The following STPG2 variants were observed in gnomAD, a reference collection of about 807,000 sequenced individuals.
The protein encoded by STPG2 is sperm-tail PG-rich repeat-containing protein 2.
A neutral mutation model predicts 54.2 loss-of-function variants in STPG2; 56 were observed. The observed-to-expected ratio is 1.03, with a 90% confidence interval of 0.83 to 1.29. The LOEUF (loss-of-function observed/expected upper bound fraction) is 1.29. STPG2 is among the 50% of genes most tolerant of loss of function. The pLI is 0.00. For missense variants in STPG2, 596 were observed against 544.9 expected, an observed-to-expected ratio of 1.09 and a Z score of -0.93; for synonymous variants, 200 against 181.8, an observed-to-expected ratio of 1.10 and a Z score of -0.81.
intron 5 of STPG2, among the ~76,000 whole-genome samples, chr4:98,018,110 C>T (rs1736029197): frequency 1.3e-5 from 2 of 151,924 alleles, no homozygotes; most frequent in African/African-American, 4.8e-5. Context: ...TGTTGGTGTA[C>T]TCACCCAATA....
At chr4:97,675,092 C>T (rs1283565811) in intron 10 of STPG2, among the ~76,000 whole-genome samples, 2 of 152,132 alleles carry the variant, frequency 1.3e-5, no homozygotes, top group African/African-American at 4.8e-5. Flanking sequence ...CATCCTCTAC[C>T]TCCTGGGTTC....
At chr4:98,024,513 C>T (rs1158846132) in intron 5 of STPG2, among the ~76,000 whole-genome samples, 4 of 152,124 alleles carry the variant, frequency 2.6e-5, no homozygotes, top group African/African-American at 9.7e-5. Flanking sequence ...CTTGTGTTTT[C>T]AATGATAAAT....
chr4:97,646,458 CT>C (rs1560701548), intron 10 of STPG2, among the ~76,000 whole-genome samples: 2 of 151,868 alleles, frequency 1.3e-5, no homozygotes, highest in Non-Finnish European at 2.9e-5. Flanking sequence ...AAAAATTAGT[CT>C]TTTATATAAA....
At chr4:97,828,186 C>T (rs1728324634) in intron 9 of STPG2, among the ~76,000 whole-genome samples, 1 of 152,082 alleles carries the variant, frequency 6.6e-6, no homozygotes, top group South Asian at 2.1e-4. Context: ...CAACTGAGTA[C>T]CCAGTTCATC....
chr4:97,913,524 C>A (rs1479492976), intron 8 of STPG2, among the ~76,000 whole-genome samples: 1 of 152,126 alleles, frequency 6.6e-6, no homozygotes, highest in Non-Finnish European at 1.5e-5. Flanking sequence ...TATAGAACAG[C>A]TCCTCCTCCT....
intron 8 of STPG2, among the ~76,000 whole-genome samples, chr4:97,924,170 C>G (rs1325005848): frequency 1.3e-5 from 2 of 152,176 alleles, no homozygotes; most frequent in Non-Finnish European, 2.9e-5. Flanking sequence ...GGAAGAAACC[C>G]TGAACACATC....
At chr4:98,135,535 T>G (rs989856807) in intron 1 of STPG2, among the ~76,000 whole-genome samples, 3 of 151,648 alleles carry the variant, frequency 2.0e-5, no homozygotes, top group African/African-American at 7.2e-5. Context: ...CACATGCAAA[T>G]TCAGAAAGAA....
chr4:97,783,250 C>G (rs935365548), intron 9 of STPG2, among the ~76,000 whole-genome samples: 1 of 152,166 alleles, frequency 6.6e-6, no homozygotes, highest in African/African-American at 2.4e-5. Context: ...ACAACCGCAT[C>G]AAAAAGTGGC....
intron 9 of STPG2, among the ~76,000 whole-genome samples, chr4:97,799,037 T>C (rs1370938814): frequency 2.6e-5 from 3 of 117,536 alleles, no homozygotes; most frequent in Non-Finnish European, 3.4e-5. Flanking sequence ...ATTTTCTTCA[T>C]AGATCTTCCT....
intron 9 of STPG2, among the ~76,000 whole-genome samples, chr4:97,741,541 A>T (rs1429411566): frequency 6.6e-6 from 1 of 152,116 alleles, no homozygotes; most frequent in African/African-American, 2.4e-5. Flanking sequence ...ACCCCATCAA[A>T]AAGTGGGCAA....
At chr4:97,857,783 A>C (rs1228430651) in intron 8 of STPG2, among the ~76,000 whole-genome samples, 1 of 152,102 alleles carries the variant, frequency 6.6e-6, no homozygotes, top group East Asian at 1.9e-4. Flanking sequence ...AAACTCAAAG[A>C]AATTCAAGAG....
intron 5 of STPG2, among the ~76,000 whole-genome samples, chr4:98,029,287 G>C (rs1010163048): frequency 2.0e-5 from 3 of 152,044 alleles, no homozygotes; most frequent in African/African-American, 7.2e-5. Flanking sequence ...TAGTGAAATA[G>C]CTACCCATAA....
At chr4:97,495,154 A>G (rs754685090) in intron 4 of STPG2, among the ~76,000 whole-genome samples, 22 of 151,452 alleles carry the variant, frequency 1.5e-4, no homozygotes, top group Non-Finnish European at 2.2e-4. Context: ...GTGACAGAAC[A>G]TATAGTTCTT....
chr4:97,866,851 T>C (rs1729805164), intron 8 of STPG2, among the ~76,000 whole-genome samples: 1 of 151,950 alleles, frequency 6.6e-6, no homozygotes, highest in Admixed American at 6.6e-5. Flanking sequence ...TATCAGAATT[T>C]CTTTGCTGGG....
intron 7 of STPG2, among the ~76,000 whole-genome samples, chr4:97,957,915 G>C (rs1221865593): frequency 6.6e-6 from 1 of 152,104 alleles, no homozygotes; most frequent in Non-Finnish European, 1.5e-5. Context: ...ACTGCTAAAA[G>C]GAGCCCTAAA....
chr4:97,575,650 C>A (rs1166861276), intron 10 of STPG2, among the ~76,000 whole-genome samples: 2 of 152,054 alleles, frequency 1.3e-5, no homozygotes, highest in Non-Finnish European at 2.9e-5. Flanking sequence ...AAACTCACAG[C>A]CAACAACATA....
At chr4:97,607,905 AT>A (rs1733635034) in intron 10 of STPG2, among the ~76,000 whole-genome samples, 6 of 152,124 alleles carry the variant, frequency 3.9e-5, no homozygotes, top group Admixed American at 3.9e-4. Context: ...ACAAGTACAC[AT>A]GAGGTTCAGT....
chr4:97,981,780 T>C (rs935977196), intron 5 of STPG2, among the ~76,000 whole-genome samples: 9 of 149,992 alleles, frequency 6.0e-5, no homozygotes, highest in Middle Eastern at 3.5e-3. Flanking sequence ...GATTCAGTGG[T>C]TTATCAATTC....
chr4:97,466,977 A>G (rs1301152032), intron 4 of STPG2, among the ~76,000 whole-genome samples: 3 of 152,020 alleles, frequency 2.0e-5, no homozygotes, highest in Non-Finnish European at 4.4e-5. Flanking sequence ...CAAAACCGAC[A>G]AATGTGTGAA....
Sources: allele counts gnomAD v4.1 joint callset (sites outside exome capture counted in the v4.1 genomes callset), GRCh38; gene constraint gnomAD v4.1.1; transcripts MANE v1.5; gene names NCBI Gene and HGNC (gene_info 2026-07-23, HGNC 2026-07-21).